Variants in ATAD2B observed in about 807,000 individuals in gnomAD.
The protein encoded by ATAD2B is ATPase family AAA domain containing 2B, also known as ATPase family AAA domain-containing protein 2B.
ATAD2B carries 40 observed loss-of-function variants against 167.6 expected under a neutral mutation model. That is an observed-to-expected ratio of 0.24 (90% CI 0.19 to 0.31). The LOEUF is 0.31. ATAD2B is among the 10% of genes least tolerant of loss of function. ATAD2B has a pLI of 1.00. For missense variants in ATAD2B, 1,242 were observed against 1,757.2 expected, an observed-to-expected ratio of 0.71 and a Z score of 5.24; for synonymous variants, 579 against 596.5, an observed-to-expected ratio of 0.97 and a Z score of 0.43.
chr2:23,840,984 G>A (rs1419186142), intron 13 of ATAD2B, among the ~76,000 whole-genome samples: 1 of 152,100 alleles, frequency 6.6e-6, no homozygotes, highest in Non-Finnish European at 1.5e-5. Context: ...ATGGTTCACT[G>A]CAGCCTCGAC....
intron 1 of ATAD2B, among the ~76,000 whole-genome samples, chr2:23,897,087 A>G (rs938616625): frequency 9.2e-5 from 14 of 152,186 alleles, no homozygotes; most frequent in Non-Finnish European, 4.4e-5. Flanking sequence ...CAACCACTGC[A>G]CTCCAGACTG....
intron 19 of ATAD2B, among the ~76,000 whole-genome samples, chr2:23,792,936 C>A (rs1387471719): frequency 1.8e-5 from 2 of 112,698 alleles, no homozygotes; most frequent in Non-Finnish European, 3.3e-5. Context: ...GCACTCCAGC[C>A]TGGGCAACAG....
rs1361034388 is a variant in ATAD2B, at chr2:23,869,668, T to G, written c.1071A>C (p.Arg357Ser). 6.4e-7 allele frequency: 1 copy of G among 1,557,848 alleles called. No individual in the cohort carries two copies. Among genetic ancestry groups the G allele is most frequent in the Admixed American group, 1.9e-5 (1 of 51,572 alleles). The part of the protein sequence containing the change: ...RRKSKSMARA[R>S]NRCLPMNFRA... The stretch of plus-strand genomic sequence containing the variant: ...ACATTACAAATTTTACTAACCTATT[T>G]CTTGCTCTTGCCATGCTCTTTGATT... The change falls in exon 9 of 28, where the codon AGA becomes AGC. Residue 357 changes from arginine to serine, a missense_variant. Physicochemically the swap from Arg to Ser is moderately radical, Grantham distance 110. Coordinates refer to ENST00000238789, the MANE Select transcript of ATAD2B (RefSeq NM_017552.4).
intron 22 of ATAD2B, among the ~76,000 whole-genome samples, chr2:23,775,247 GCT>G (rs888769987): frequency 7.3e-6 from 1 of 136,890 alleles, no homozygotes; most frequent in Non-Finnish European, 1.6e-5. Context: ...ACGTTGTCTT[GCT>G]CTGTCTCCAG....
At chr2:23,796,897 T>A (rs1309369212) in intron 19 of ATAD2B, among the ~76,000 whole-genome samples, 1 of 152,186 alleles carries the variant, frequency 6.6e-6, no homozygotes, top group Non-Finnish European at 1.5e-5. Context: ...ATCAAAAGAC[T>A]AGTAAGTCAA....
Position 23,774,849 on chromosome 2 carries a change from G to A in ATAD2B, c.3133+8020C>T, listed in dbSNP as rs150815598. On this transcript the variant is annotated intron_variant, in intron 22 of 27. Transcript: ENST00000238789. ...CGGGAGGCGGGGATTGCAGTGAGCT[G>A]AGATCGTGCCATTGTGCTCCAGCCT... Among the ~76,000 whole-genome samples the A allele has an allele frequency of 3.4e-3, 517 of 152,322 alleles. 3 individuals are homozygous for A. The highest frequency in any genetic ancestry group is 0.012 in the African/African-American group (501 of 41,568).
chr2:23,881,360 C>CTTTTTT, intron 6 of ATAD2B, among the ~76,000 whole-genome samples: 1 of 80,210 alleles, frequency 1.2e-5, no homozygotes, highest in Non-Finnish European at 2.3e-5. Context: ...GTGATCAATT[C>CTTTTTT]TTTTTTTTTT....
rs559560756 is a variant in ATAD2B at position 23,924,835 on chromosome 2, T to C, written c.216+1720A>G. On this transcript the variant is annotated intron_variant, in intron 1 of 27. Coordinates refer to ENST00000238789, the MANE Select transcript of ATAD2B (RefSeq NM_017552.4). The stretch of plus-strand genomic sequence containing the variant: ...ATTTCCTCATTAGATTATTGATTCC[T>C]AGCCTTTTAACATCTCTATAACAGC... Among the ~76,000 whole-genome samples the C allele has an allele frequency of 3.3e-5, 5 of 152,310 alleles. No individual in the cohort carries two copies. The South Asian group carries it at 1.0e-3, about 32-fold the overall frequency.
intron 15 of ATAD2B, 35 bp downstream of exon 15, chr2:23,828,814 A>T (rs1486507387): frequency 7.3e-7 from 1 of 1,377,938 alleles, no homozygotes; most frequent in African/African-American, 1.4e-5. Context: ...CAGAACAAAC[A>T]ATGACAATCA....
chr2:23,912,337 T>C (rs1380119365), intron 1 of ATAD2B, among the ~76,000 whole-genome samples: 1 of 151,858 alleles, frequency 6.6e-6, no homozygotes, highest in Non-Finnish European at 1.5e-5. Context: ...AGACCCTTTC[T>C]AACAAAAAAA....
intron 7 of ATAD2B, among the ~76,000 whole-genome samples, chr2:23,877,384 C>T (rs1238218989): frequency 6.6e-6 from 1 of 150,572 alleles, no homozygotes; most frequent in African/African-American, 2.4e-5. Flanking sequence ...ATCCCAGCTA[C>T]TTAAGAGGCT....
downstream of ATAD2B, among the ~76,000 whole-genome samples, chr2:23,744,415 A>T (rs1674692541): frequency 6.6e-6 from 1 of 152,210 alleles, no homozygotes; most frequent in African/African-American, 2.4e-5. Flanking sequence ...TAAATTTTAA[A>T]GATATTAATC....
the ATAD2B span, among the ~76,000 whole-genome samples, chr2:23,736,773 C>G: frequency 1.3e-5 from 2 of 152,164 alleles, no homozygotes; most frequent in African/African-American, 4.8e-5. Flanking sequence ...TGCAAGGGGT[C>G]AGGGAATTCC....
At chr2:23,771,855 T>C (rs1191237184) in intron 22 of ATAD2B, among the ~76,000 whole-genome samples, 1 of 152,176 alleles carries the variant, frequency 6.6e-6, no homozygotes, top group Admixed American at 6.5e-5. Flanking sequence ...CTCCTGGAGA[T>C]AGCCAGAGTG....
At chr2:23,730,725 C>T in the ATAD2B span, among the ~76,000 whole-genome samples, 6 of 99,094 alleles carry the variant, frequency 6.1e-5, no homozygotes, top group Non-Finnish European at 1.3e-4. Context: ...ATGTATGGAA[C>T]ACAACATGTC....
intron 13 of ATAD2B, among the ~76,000 whole-genome samples, chr2:23,849,028 A>G (rs186348983): frequency 6.6e-6 from 1 of 152,280 alleles, no homozygotes; most frequent in East Asian, 1.9e-4. Flanking sequence ...AAAAACTTTC[A>G]AAGTTTCAAA....
At chr2:23,871,774 C>A (rs893443840) in intron 8 of ATAD2B, among the ~76,000 whole-genome samples, 1 of 152,152 alleles carries the variant, frequency 6.6e-6, no homozygotes, top group Non-Finnish European at 1.5e-5. Context: ...CTCAACTTCT[C>A]CTTAAGATCC....
intron 12 of ATAD2B, 50 bp from the exon 13 acceptor site, chr2:23,857,553 A>G (rs1693616055): frequency 2.2e-6 from 2 of 927,290 alleles, no homozygotes; most frequent in Non-Finnish European, 3.0e-6. Flanking sequence ...TTCATTTTTA[A>G]AATTTATTAT....
the ATAD2B span, among the ~76,000 whole-genome samples, chr2:23,715,703 T>G: frequency 9.1e-4 from 138 of 152,000 alleles, no homozygotes; most frequent in African/African-American, 3.2e-3. Flanking sequence ...TAGGGTTGCT[T>G]TACTGTTTCT....
Sources: gnomAD v4.1 joint callset for allele counts (sites outside exome capture counted in the v4.1 genomes callset) on GRCh38, gnomAD v4.1.1 for gene constraint, MANE v1.5 for transcripts, NCBI Gene and HGNC (gene_info 2026-07-23, HGNC 2026-07-21) for gene names.